FBXL13: variants seen among roughly 807,000 people sequenced by gnomAD.
FBXL13 encodes F-box and leucine-rich repeat protein 13.
Under a neutral mutation model 83.6 loss-of-function variants are expected in FBXL13, and 67 were observed. That is an observed-to-expected ratio of 0.80 (90% CI 0.66 to 0.98). The LOEUF is 0.98. Among genes scored for constraint, FBXL13 ranks in the 50% least tolerant of loss-of-function variants. The pLI, the probability that FBXL13 is intolerant of heterozygous loss-of-function variation, is 0.00. For missense variants in FBXL13, 822 were observed against 866.5 expected (o/e 0.95, Z 0.64); for synonymous variants, 272 against 299.5 (o/e 0.91, Z 0.95).
At chr7:103,018,526 G>A (rs576547443) in intron 6 of FBXL13, among the ~76,000 whole-genome samples, 2 of 152,166 alleles carry the variant, frequency 1.3e-5, no homozygotes, top group East Asian at 1.9e-4. Context: ...GACACAGACT[G>A]GCAAATTGGA....
chr7:102,968,022 A>G, exon 7 of FBXL13: 1 of 1,608,324 alleles, frequency 6.2e-7, no homozygotes, highest in South Asian at 1.1e-5. Flanking sequence ...ATCTACTTAC[A>G]GCATTCCACA....
At chr7:102,856,732 A>G (rs185003630) in intron 16 of FBXL13, among the ~76,000 whole-genome samples, 28 of 152,348 alleles carry the variant, frequency 1.8e-4, no homozygotes, top group Admixed American at 1.6e-3. Context: ...AATTTAAAAT[A>G]CAGATAATAA....
chr7:102,997,831 T>TA (rs1423032413), intron 6 of FBXL13, among the ~76,000 whole-genome samples: 70 of 152,362 alleles, frequency 4.6e-4, no homozygotes, highest in African/African-American at 1.6e-3. Context: ...GATGAACACT[T>TA]ACAGTGACAG....
At chr7:103,043,283 G>A (rs1482551305) in intron 2 of FBXL13, among the ~76,000 whole-genome samples, 2 of 152,266 alleles carry the variant, frequency 1.3e-5, no homozygotes, top group East Asian at 3.9e-4. Flanking sequence ...ACCATCTCAT[G>A]CCCATTAGAA....
chr7:103,020,258 T>A (rs572758685), intron 6 of FBXL13, among the ~76,000 whole-genome samples: 10 of 152,328 alleles, frequency 6.6e-5, no homozygotes, highest in African/African-American at 2.4e-4. Context: ...GAAAAGGCCT[T>A]TGACAAAATT....
At chr7:102,923,814 G>T (rs761699100) in intron 10 of FBXL13, among the ~76,000 whole-genome samples, 1 of 151,804 alleles carries the variant, frequency 6.6e-6, no homozygotes, top group Non-Finnish European at 1.5e-5. Flanking sequence ...GACAGAGCAA[G>T]ATGCCATCTC....
chr7:102,993,156 T>C (rs1251961979), intron 6 of FBXL13, among the ~76,000 whole-genome samples: 3 of 152,206 alleles, frequency 2.0e-5, no homozygotes, highest in Non-Finnish European at 4.4e-5. Context: ...GGAACCACTG[T>C]CTGCATTGGT....
chr7:102,891,224 C>A (rs1811498084), intron 11 of FBXL13, among the ~76,000 whole-genome samples: 1 of 152,178 alleles, frequency 6.6e-6, no homozygotes, highest in Admixed American at 6.5e-5. Flanking sequence ...TTTAGATGAT[C>A]CTGTATTGTC....
rs768873180 is a variant in FBXL13 at position 102,963,716 on chromosome 7, A to T, written c.592-51T>A. The stretch of plus-strand genomic sequence containing the variant: ...AAGAAATGAGAAAGTCCCCAAAAAC[A>T]ATTGCAACAAAAACAATAATAGACA... On this transcript the variant is annotated intron_variant, in intron 7 of 19. Transcript: ENST00000313221. The T allele has an allele frequency of 5.8e-6, 9 of 1,540,628 alleles. No homozygotes were observed. In the East Asian group the frequency reaches 2.0e-4, roughly 35 times the overall value.
intron 6 of FBXL13, 64 bp from the exon 8 acceptor site, chr7:102,968,181 C>T: frequency 8.9e-7 from 1 of 1,122,608 alleles, no homozygotes; most frequent in Admixed American, 1.8e-5. Flanking sequence ...TGTCCACTTA[C>T]CTTTTGTCTG....
chr7:102,917,256 T>C (rs191345381), intron 10 of FBXL13, among the ~76,000 whole-genome samples: 91 of 152,338 alleles, frequency 6.0e-4, no homozygotes, highest in Admixed American at 1.8e-3. Context: ...GGTGAGACTA[T>C]AGATCATGAT....
intron 2 of FBXL13, among the ~76,000 whole-genome samples, chr7:103,038,123 G>A (rs1461064526): frequency 7.2e-5 from 11 of 152,168 alleles, no homozygotes; most frequent in African/African-American, 2.2e-4. Flanking sequence ...CACAGTCTTC[G>A]CAACCTGCAG....
At chr7:102,931,911 C>A (rs368735743) in exon 9 of FBXL13, 1 of 1,613,662 alleles carries the variant, frequency 6.2e-7, no homozygotes, top group Non-Finnish European at 8.5e-7. Context: ...AGACATTCAA[C>A]TCTTGCAAGT....
At chr7:102,956,808 C>T (rs1261238442) in intron 8 of FBXL13, among the ~76,000 whole-genome samples, 4 of 152,026 alleles carry the variant, frequency 2.6e-5, no homozygotes, top group Non-Finnish European at 5.9e-5. Flanking sequence ...AATAAAATAC[C>T]TAGGAATACA....
intron 16 of FBXL13, among the ~76,000 whole-genome samples, chr7:102,868,662 GTTTT>G (rs1808091677): frequency 6.9e-6 from 1 of 144,606 alleles, no homozygotes; most frequent in African/African-American, 2.9e-5. Context: ...TGGTTTTTTT[GTTTT>G]GTTTTGTTTT....
rs184982290 is a variant in FBXL13, at chr7:103,043,478, T to C, written c.-1+12166A>G. ...GACCCAGCAATCCCATTACTGGGTATATACCCAAAGGATTATAAGTCATGC... is the reference window on the plus strand; with the variant it reads ...GACCCAGCAATCCCATTACTGGGTACATACCCAAAGGATTATAAGTCATGC... On this transcript the variant is annotated intron_variant, in intron 2 of 19. Coordinates refer to ENST00000313221, the Ensembl canonical transcript of FBXL13. Among the ~76,000 whole-genome samples, 11 of 152,326 alleles carry C rather than the reference T, an allele frequency of 7.2e-5. No individual in the cohort carries two copies. The East Asian group carries it at 2.1e-3, about 29-fold the overall frequency.
chr7:102,933,943 C>T, intron 8 of FBXL13: 1 of 1,612,002 alleles, frequency 6.2e-7, no homozygotes, highest in East Asian at 2.2e-5. Context: ...TAATCTTGCT[C>T]TGCTTTTGCA....
chr7:103,023,995 G>A (rs1793527895), intron 6 of FBXL13, among the ~76,000 whole-genome samples: 1 of 152,088 alleles, frequency 6.6e-6, no homozygotes, highest in African/African-American at 2.4e-5. Context: ...TGGGAGGATG[G>A]TGAGGATTGG....
At chr7:102,949,259 C>G (rs6960428) in intron 8 of FBXL13, among the ~76,000 whole-genome samples, 79,387 of 151,970 alleles carry the variant, frequency 0.52, 23,344 homozygotes, top group Non-Finnish European at 0.65. Flanking sequence ...GCTAAAACAT[C>G]TCTGAGAATT....
Sources: allele counts gnomAD v4.1 joint callset (sites outside exome capture counted in the v4.1 genomes callset), GRCh38; gene constraint gnomAD v4.1.1; transcripts MANE v1.5; gene names NCBI Gene and HGNC (gene_info 2026-07-23, HGNC 2026-07-21).